ZFHX4: variants seen among roughly 807,000 people sequenced by gnomAD.
The protein encoded by ZFHX4 is zinc finger homeobox protein 4.
ZFHX4 carries 56 observed loss-of-function variants against 267.6 expected under a neutral mutation model. The ratio of observed to expected loss-of-function variants is 0.21; its 90% CI spans 0.17 to 0.26. The LOEUF (loss-of-function observed/expected upper bound fraction) is 0.26. Ranked by LOEUF, ZFHX4 falls within the 10% of genes least tolerant of loss-of-function variation. The pLI is 1.00. For synonymous variants in ZFHX4, 1,778 were observed against 1,665.6 expected (o/e 1.07, Z -1.64); for missense variants, 4,332 against 4,420.0 (o/e 0.98, Z 0.56).
chr8:76,739,898 G>GA (rs1307760489), intron 3 of ZFHX4, among the ~76,000 whole-genome samples: 1 of 152,118 alleles, frequency 6.6e-6, no homozygotes, highest in Non-Finnish European at 1.5e-5. Context: ...CTTACCTCCT[G>GA]AAAAAATGTA....
chr8:76,835,227 A>ATATATATATATATATGTATATATATG (rs1563549002), intron 5 of ZFHX4, among the ~76,000 whole-genome samples: 5 of 59,082 alleles, frequency 8.5e-5, no homozygotes, highest in South Asian at 5.0e-4. Flanking sequence ...ATGTATATAT[A>ATATATATATATATATGTATATATATG]TATATATATA....
At position 76,705,444 on chromosome 8, in the gene ZFHX4, C is replaced by A. The variant is rs368840810; in HGVS notation, c.1356C>A (p.Asn452Lys). The A allele has an allele frequency of 6.2e-7, 1 of 1,613,698 alleles. No individual in the cohort carries two copies. Among genetic ancestry groups the A allele is most frequent in the Non-Finnish European group, 8.5e-7 (1 of 1,179,842 alleles). The stretch of plus-strand genomic sequence containing the variant: ...ACTGTGAAAGGCCAAAAGAAAGCAA[C>A]GTTTTACACCCAAACGGGGAGTGCC... ...ENNCERPKESNVLHPNGECPV... is the reference protein window; with the variant it reads ...ENNCERPKESKVLHPNGECPV... Residue 452 changes from asparagine (N) to lysine (K), a missense_variant, in exon 2 of 11, where the codon AAC (asparagine) becomes AAA (lysine). Coordinates refer to ENST00000651372, the MANE Select transcript of ZFHX4 (RefSeq NM_024721.5).
Position 76,851,059 on chromosome 8 carries a change from G to C in ZFHX4, c.4138G>C (p.Glu1380Gln), listed in dbSNP as rs1367450713. Residue 1380 changes from glutamate (E) to glutamine (Q), a missense_variant, in exon 10 of 11, where the codon GAA becomes CAA. By Grantham distance (29) the Glu-to-Gln change is conservative. Coordinates refer to ENST00000651372, the MANE Select transcript of ZFHX4 (RefSeq NM_024721.5). ...IPDTLQDQLNEQQKRQPLSVS... is the reference protein window; with the variant it reads ...IPDTLQDQLNQQQKRQPLSVS... ...CGACACACTGCAAGATCAATTAAAT[G>C]AACAGCAAAAAAGGCAACCGCTCTC... The C allele has an allele frequency of 6.2e-7, 1 of 1,613,920 alleles. No homozygotes were observed. Among genetic ancestry groups the C allele is most frequent in the South Asian group, 1.1e-5 (1 of 91,080 alleles).
chr8:76,769,840 T>A (rs959428172), intron 3 of ZFHX4, among the ~76,000 whole-genome samples: 4 of 152,166 alleles, frequency 2.6e-5, no homozygotes, highest in African/African-American at 9.7e-5. Flanking sequence ...ATAAATTACA[T>A]TTTTTCCTGC....
chr8:76,863,806 A>G lies in ZFHX4; in HGVS notation c.10092A>G (p.Ser3364=). ...SDQPQNSNDA[S]ETKEDKSTAT... ...AGCCGCAAAACTCCAACGATGCTTC[A>G]GAAACAAAGGAAGACAAAAGTACTG... Residue 3364 remains serine, a synonymous_variant, in exon 11 of 11, where the codon TCA becomes TCG. Transcript: ENST00000651372. 2.6e-6 allele frequency: 4 copies of G among 1,552,404 alleles called. No homozygotes were observed. Among genetic ancestry groups the G allele is most frequent in the East Asian group, 4.9e-5 (2 of 40,942 alleles).
chr8:76,858,841 A>G (rs1378948611), intron 10 of ZFHX4, among the ~76,000 whole-genome samples: 1 of 152,240 alleles, frequency 6.6e-6, no homozygotes, highest in Admixed American at 6.5e-5. Context: ...TTTGTTATCA[A>G]TATGAACATC....
At position 76,852,147 on chromosome 8, in the gene ZFHX4, T is replaced by C. The variant is rs1812547787; in HGVS notation, c.5226T>C (p.Tyr1742=). 1 of 1,613,828 alleles carries C rather than the reference T, an allele frequency of 6.2e-7. No individual in the cohort carries two copies. The highest frequency in any genetic ancestry group is 8.5e-7 in the Non-Finnish European group (1 of 1,179,884). ...FQQPQFLFPF[Y]IPGTEFSLGP... ...AGCCTCAGTTTCTCTTTCCATTTTA[T>C]ATACCTGGGACGGAGTTCAGCTTGG... The change falls in exon 10 of 11, where the codon TAT becomes TAC. Residue 1742 remains tyrosine (Y), a synonymous_variant. Coordinates refer to ENST00000651372, the MANE Select transcript of ZFHX4 (RefSeq NM_024721.5).
At chr8:76,788,663 G>C (rs1810755700) in intron 4 of ZFHX4, among the ~76,000 whole-genome samples, 1 of 152,166 alleles carries the variant, frequency 6.6e-6, no homozygotes, top group Admixed American at 6.5e-5. Context: ...CTGACTAGTT[G>C]AAAACTGAAT....
intron 6 of ZFHX4, among the ~76,000 whole-genome samples, chr8:76,848,223 C>T (rs968046224): frequency 9.9e-5 from 15 of 152,206 alleles, no homozygotes; most frequent in African/African-American, 2.4e-4. Context: ...AGGAGATTAT[C>T]GGGCAAATTG....
intron 3 of ZFHX4, among the ~76,000 whole-genome samples, chr8:76,717,672 C>G (rs1233823572): frequency 1.3e-5 from 2 of 152,202 alleles, no homozygotes; most frequent in Non-Finnish European, 2.9e-5. Flanking sequence ...TCACTGCTCA[C>G]TGCAGCCTTG....
At chr8:76,773,587 A>C (rs996350881) in intron 3 of ZFHX4, among the ~76,000 whole-genome samples, 17 of 152,294 alleles carry the variant, frequency 1.1e-4, no homozygotes, top group African/African-American at 4.1e-4. Context: ...TAAACAAGAT[A>C]AACCACAAAG....
chr8:76,767,120 GAACATAC>G (rs1249680800), intron 3 of ZFHX4, among the ~76,000 whole-genome samples: 1 of 151,800 alleles, frequency 6.6e-6, no homozygotes, highest in Non-Finnish European at 1.5e-5. Context: ...TGCGTGACAT[GAACATAC>G]AAATTAGAAT....
At chr8:76,719,509 T>C (rs1808664520) in intron 3 of ZFHX4, among the ~76,000 whole-genome samples, 1 of 152,032 alleles carries the variant, frequency 6.6e-6, no homozygotes, top group East Asian at 1.9e-4. Context: ...GGGAGGACAG[T>C]AAGCCTTTTC....
intron 3 of ZFHX4, among the ~76,000 whole-genome samples, chr8:76,729,809 G>A (rs1453993157): frequency 1.3e-5 from 2 of 152,186 alleles, no homozygotes; most frequent in African/African-American, 2.4e-5. Context: ...CAGGGTAACA[G>A]GAATGCTTGC....
chr8:76,695,205 G>C (rs1272093717), intron 1 of ZFHX4, among the ~76,000 whole-genome samples: 1 of 152,040 alleles, frequency 6.6e-6, no homozygotes, highest in Non-Finnish European at 1.5e-5. Context: ...AAAAGAATGA[G>C]GTCATTTATA....
chr8:76,825,209 C>A (rs537179946), intron 4 of ZFHX4, among the ~76,000 whole-genome samples: 137 of 152,294 alleles, frequency 9.0e-4, no homozygotes, highest in African/African-American at 3.2e-3. Context: ...AAGAATTATG[C>A]ATAAGTACAA....
Position 76,704,813 on chromosome 8 carries a change from C to G in ZFHX4, c.725C>G (p.Thr242Ser). Residue 242 changes from threonine to serine, a missense_variant, in exon 2 of 11, where the codon ACC becomes AGC. By Grantham distance (58) the Thr-to-Ser change is moderately conservative. Around this residue, in one of 7 missense-constraint regions of ZFHX4, gnomAD observed 1,195 missense variants for 1,173.6 expected, o/e 1.02. Coordinates refer to ENST00000651372, the MANE Select transcript of ZFHX4 (RefSeq NM_024721.5). ...LRHKREKDYL[T>S]SDGSAKNSCV... The stretch of plus-strand genomic sequence containing the variant: ...CACAAGAGAGAGAAAGACTATCTAA[C>G]CAGTGATGGCTCAGCCAAAAACTCC... 1 of 1,614,144 alleles carries G rather than the reference C, an allele frequency of 6.2e-7. No homozygotes were observed. Among genetic ancestry groups the G allele is most frequent in the Non-Finnish European group, 8.5e-7 (1 of 1,180,002 alleles).
chr8:76,830,027 A>T (rs1811893726), intron 4 of ZFHX4, among the ~76,000 whole-genome samples: 2 of 152,136 alleles, frequency 1.3e-5, no homozygotes, highest in Non-Finnish European at 1.5e-5. Context: ...TCAATGTATC[A>T]TTGTGGTTAA....
chr8:76,806,819 T>C (rs968419365), intron 4 of ZFHX4, among the ~76,000 whole-genome samples: 1 of 152,088 alleles, frequency 6.6e-6, no homozygotes, highest in East Asian at 1.9e-4. Flanking sequence ...TGCAAGCCAA[T>C]TCATAAAGAT....
Sources: gnomAD v4.1 joint callset for allele counts (sites outside exome capture counted in the v4.1 genomes callset) on GRCh38, gnomAD v4.1.1 for gene constraint, gnomAD v4.1.1 regional missense constraint, MANE v1.5 for transcripts, NCBI Gene and HGNC (gene_info 2026-07-23, HGNC 2026-07-21) for gene names.